CFAP47: variants seen among roughly 807,000 people sequenced by gnomAD.
CFAP47 encodes cilia- and flagella-associated protein 47.
A neutral mutation model predicts 148.1 loss-of-function variants in CFAP47; 29 were observed. The ratio of observed to expected loss-of-function variants is 0.20; its 90% CI spans 0.15 to 0.27. CFAP47 has a LOEUF of 0.27. Among genes scored for constraint, CFAP47 ranks in the 10% least tolerant of loss-of-function variants. The probability of loss-of-function intolerance (pLI) is 1.00; values close to 1 mark genes in which losing one functional copy is unlikely to be tolerated. For synonymous variants in CFAP47, 664 were observed against 577.3 expected (o/e 1.15, Z -2.15); for missense variants, 1,872 against 1,697.5 (o/e 1.10, Z -1.81).
At chrX:35,968,715 A>G (rs750512685) in intron 10 of CFAP47, among the ~76,000 whole-genome samples, 1 of 111,171 alleles carries the variant, frequency 9.0e-6, no homozygotes, top group South Asian at 3.7e-4. Flanking sequence ...AGGTTTTTCT[A>G]TAGTCTATCT....
intron 57 of CFAP47, among the ~76,000 whole-genome samples, chrX:36,337,017 C>A (rs1004634331): frequency 8.9e-6 from 1 of 111,991 alleles, no homozygotes; most frequent in Non-Finnish European, 1.9e-5. Context: ...CAATTTTCCA[C>A]CCAACTTAGC....
chrX:36,091,615 G>A (rs1938187593), intron 30 of CFAP47, among the ~76,000 whole-genome samples: 1 of 111,213 alleles, frequency 9.0e-6, no homozygotes, highest in Non-Finnish European at 1.9e-5. Flanking sequence ...CAAAAAGACA[G>A]TTTTATGTTT....
chrX:36,078,035 A>G (rs1937899289), intron 29 of CFAP47, among the ~76,000 whole-genome samples: 1 of 111,761 alleles, frequency 8.9e-6, no homozygotes, highest in South Asian at 3.8e-4. Flanking sequence ...TCTCAAAAAA[A>G]AGAAAAAAAA....
At chrX:36,268,365 C>T (rs1940920080) in intron 49 of CFAP47, among the ~76,000 whole-genome samples, 1 of 113,060 alleles carries the variant, frequency 8.8e-6, no homozygotes, top group African/African-American at 3.2e-5. Flanking sequence ...TGCCTATACT[C>T]TGTCATGCTG....
chrX:35,999,066 T>A (rs1380033328), intron 19 of CFAP47, among the ~76,000 whole-genome samples: 3 of 111,908 alleles, frequency 2.7e-5, no homozygotes, highest in Admixed American at 9.5e-5. Flanking sequence ...ACTATGTGTC[T>A]TAATAACAAT....
intron 45 of CFAP47, among the ~76,000 whole-genome samples, chrX:36,207,303 C>CT (rs1327382249): frequency 2.2e-3 from 238 of 105,881 alleles, no homozygotes; most frequent in African/African-American, 7.4e-3. Context: ...TGAAACAAAA[C>CT]TTTTTTTTTT....
At chrX:36,240,936 C>T (rs181060187) in intron 48 of CFAP47, among the ~76,000 whole-genome samples, 216 of 110,883 alleles carry the variant, frequency 1.9e-3, no homozygotes, top group Middle Eastern at 4.7e-3. Flanking sequence ...AACTGCTGTT[C>T]CCATTGATAG....
rs144631658 is a variant in CFAP47 at position 36,195,103 on chromosome X, C to T, written c.6321+4907C>T. Among the ~76,000 whole-genome samples the T allele has an allele frequency of 3.5e-5, 4 of 112,984 alleles. No individual in the cohort carries two copies. In the South Asian group the frequency reaches 1.4e-3, roughly 40 times the overall value. The stretch of plus-strand genomic sequence containing the variant: ...AAAATGCCCCCATGCAAGGCATACT[C>T]TTTGCTAGTATACACAGTGTCCTGA... On this transcript the variant is annotated intron_variant, in intron 42 of 63. Transcript: ENST00000378653.
At chrX:36,230,705 T>C (rs1555992406) in intron 46 of CFAP47, among the ~76,000 whole-genome samples, 2 of 109,684 alleles carry the variant, frequency 1.8e-5, no homozygotes, top group Non-Finnish European at 3.8e-5. Context: ...TCCTGAATGG[T>C]AATGCCTAGG....
At chrX:36,143,287 C>T (rs1393470186) in intron 35 of CFAP47, among the ~76,000 whole-genome samples, 1 of 111,784 alleles carries the variant, frequency 8.9e-6, no homozygotes, top group Non-Finnish European at 1.9e-5. Flanking sequence ...CTTCTATTTT[C>T]CCGAGAAGAA....
intron 49 of CFAP47, among the ~76,000 whole-genome samples, chrX:36,277,561 A>T (rs1941031261): frequency 8.9e-6 from 1 of 112,513 alleles, no homozygotes; most frequent in South Asian, 3.6e-4. Flanking sequence ...CTCAATAAAC[A>T]CAAACATATA....
intron 2 of CFAP47, among the ~76,000 whole-genome samples, chrX:35,936,751 T>G (rs1935919579): frequency 9.0e-6 from 1 of 111,017 alleles, no homozygotes; most frequent in Admixed American, 9.7e-5. Flanking sequence ...GTTTGAGGTA[T>G]TATTTTGATC....
chrX:36,047,367 A>G (rs1937478763), intron 26 of CFAP47, among the ~76,000 whole-genome samples: 1 of 111,738 alleles, frequency 8.9e-6, no homozygotes, highest in Admixed American at 9.6e-5. Context: ...CCCATCTGTC[A>G]TCATGAAAAG....
At chrX:36,054,413 G>T (rs1291908978) in intron 26 of CFAP47, among the ~76,000 whole-genome samples, 1 of 111,861 alleles carries the variant, frequency 8.9e-6, no homozygotes, top group Non-Finnish European at 1.9e-5. Flanking sequence ...ATGTTAAAAA[G>T]AAAAGAATAA....
chrX:36,301,246 T>A, intron 53 of CFAP47, 67 bp downstream of exon 53: 1 of 559,251 alleles, frequency 1.8e-6, no homozygotes, highest in Non-Finnish European at 2.8e-6. Context: ...ACAATGTTGT[T>A]ATAATGCATT....
At chrX:36,065,505 TA>T (rs1329259332) in intron 26 of CFAP47, 137 bp from the exon 27 acceptor site, 1 of 432,596 alleles carries the variant, frequency 2.3e-6, no homozygotes. Context: ...AGTAGATGGT[TA>T]AAAAAACAAA....
Position 35,942,962 on chromosome X carries a change from C to T in CFAP47, c.517+1564C>T, listed in dbSNP as rs143916124. Among the ~76,000 whole-genome samples, 777 of 111,580 alleles carry T rather than the reference C, an allele frequency of 7.0e-3. 4 individuals are homozygous for T. Among genetic ancestry groups the T allele is most frequent in the Middle Eastern group, 0.019 (4 of 210 alleles). On this transcript the variant is annotated intron_variant, in intron 3 of 63. Transcript: ENST00000378653. Reference sequence around the variant, plus strand: ...CTTGAGTACTGTGAAATGTTAATGGCTATTACCTTACAAACTGAAACAAAT... The same window carrying T: ...CTTGAGTACTGTGAAATGTTAATGGTTATTACCTTACAAACTGAAACAAAT...
rs782602115 is a variant in CFAP47, at chrX:36,324,493, T to G, written c.8443+5186T>G. Among the ~76,000 whole-genome samples, 9 of 111,736 alleles carry G rather than the reference T, an allele frequency of 8.1e-5. No individual in the cohort carries two copies. In the East Asian group the frequency reaches 2.0e-3, roughly 25 times the overall value. ...ATTATGGTCAAATAATCTGTGTTCT[T>G]CTTTTGACTGTAACATGGATAAGCT... On this transcript the variant is annotated intron_variant, in intron 57 of 63. Coordinates refer to ENST00000378653, the MANE Select transcript of CFAP47 (RefSeq NM_001304548.2).
chrX:35,965,073 AT>A (rs1323488519), intron 8 of CFAP47, among the ~76,000 whole-genome samples: 2 of 111,482 alleles, frequency 1.8e-5, no homozygotes, highest in Non-Finnish European at 3.8e-5. Flanking sequence ...GGCATTGTAC[AT>A]AATATAACTT....
Sources: gnomAD v4.1 joint callset for allele counts (sites outside exome capture counted in the v4.1 genomes callset) on GRCh38, gnomAD v4.1.1 for gene constraint, MANE v1.5 for transcripts, NCBI Gene and HGNC (gene_info 2026-07-23, HGNC 2026-07-21) for gene names.